Variants in RHOBTB3 observed in about 807,000 individuals in gnomAD.
The protein encoded by RHOBTB3 is rho-related BTB domain-containing protein 3.
A neutral mutation model predicts 67.2 loss-of-function variants in RHOBTB3; 47 were observed. The observed-to-expected ratio is 0.70, with a 90% CI of 0.55 to 0.89. The LOEUF is 0.89. RHOBTB3 is among the 40% of genes least tolerant of loss of function. The pLI is 0.00. For missense variants in RHOBTB3, 631 were observed against 750.0 expected, an observed-to-expected ratio of 0.84 and a Z score of 1.85; for synonymous variants, 273 against 274.2, an observed-to-expected ratio of 1.00 and a Z score of 0.04.
At chr5:95,730,444 A>G (rs1755188065), upstream of RHOBTB3, among the ~76,000 whole-genome samples, 1 of 152,216 alleles carries the variant, frequency 6.6e-6, no homozygotes, top group Non-Finnish European at 1.5e-5. Context: ...GTTCGTTTGT[A>G]TCGAGGTAGT....
chr5:95,767,640 A>T (rs1469952268), intron 7 of RHOBTB3: 1 of 548,062 alleles, frequency 1.8e-6, no homozygotes, highest in Non-Finnish European at 3.3e-6. Context: ...CAAAAAATGT[A>T]TTTTTCTTAA....
intron 4 of RHOBTB3, among the ~76,000 whole-genome samples, chr5:95,750,223 A>G (rs1466345405): frequency 2.0e-5 from 3 of 152,198 alleles, no homozygotes; most frequent in Non-Finnish European, 4.4e-5. Context: ...GCTGTGCAAT[A>G]CTACCCTTAG....
chr5:95,730,748 C>T (rs1167960072), upstream of RHOBTB3: 2 of 320,804 alleles, frequency 6.2e-6, no homozygotes, highest in Non-Finnish European at 1.3e-5. Flanking sequence ...AGTAAATAAT[C>T]CCCCCAAGGC....
At chr5:95,754,450 C>T (rs375257730) in intron 5 of RHOBTB3, among the ~76,000 whole-genome samples, 24 of 152,178 alleles carry the variant, frequency 1.6e-4, no homozygotes, top group Middle Eastern at 3.4e-3. Context: ...CAAAGGACTT[C>T]GTTATTATCT....
At chr5:95,772,026 G>T (rs1035763470) in intron 8 of RHOBTB3, among the ~76,000 whole-genome samples, 1 of 152,240 alleles carries the variant, frequency 6.6e-6, no homozygotes, top group East Asian at 1.9e-4. Flanking sequence ...GAATGATGCC[G>T]CTGGAGATGG....
rs1296416339 is a variant in RHOBTB3, at chr5:95,767,246, G to A, written c.1162-800G>A. On this transcript the variant is annotated intron_variant, in intron 7 of 11. Coordinates refer to ENST00000379982, the MANE Select transcript of RHOBTB3 (RefSeq NM_014899.4). The stretch of plus-strand genomic sequence containing the variant: ...GAGGTGAACCACTTCATTACTCTAC[G>A]TTATTTTTTTAACTGTTCACTCCTT... Among the ~76,000 whole-genome samples, 7 of 152,212 alleles carry A rather than the reference G, an allele frequency of 4.6e-5. No individual in the cohort carries two copies. In the East Asian group the frequency reaches 1.2e-3, roughly 25 times the overall value.
intron 10 of RHOBTB3, among the ~76,000 whole-genome samples, chr5:95,786,358 T>G (rs1746223852): frequency 6.6e-6 from 1 of 152,240 alleles, no homozygotes; most frequent in East Asian, 1.9e-4. Context: ...CTGCCAGTTT[T>G]GTACTGTGTG....
At chr5:95,760,586 A>G (rs968143232) in intron 6 of RHOBTB3, among the ~76,000 whole-genome samples, 12 of 152,338 alleles carry the variant, frequency 7.9e-5, no homozygotes, top group African/African-American at 2.9e-4. Flanking sequence ...TCTGTATTGC[A>G]TAAAAACACA....
chr5:95,777,568 T>C (rs1745925659), intron 8 of RHOBTB3, among the ~76,000 whole-genome samples: 2 of 152,230 alleles, frequency 1.3e-5, no homozygotes, highest in South Asian at 4.1e-4. Context: ...CCTTAAGTAA[T>C]TTCTTTACCT....
At chr5:95,763,677 A>G in intron 7 of RHOBTB3, 57 bp downstream of exon 7, 1 of 940,682 alleles carries the variant, frequency 1.1e-6, no homozygotes, top group African/African-American at 1.6e-5. Flanking sequence ...TAACTCACAT[A>G]CTATGATGAA....
At chr5:95,719,208 G>A (rs906382403) in intron 1 of RHOBTB3, among the ~76,000 whole-genome samples, 2 of 152,142 alleles carry the variant, frequency 1.3e-5, no homozygotes, top group African/African-American at 2.4e-5. Context: ...TGGTTGACTG[G>A]GAGGTTGCTA....
At chr5:95,727,957 T>C (rs1220460815), upstream of RHOBTB3, among the ~76,000 whole-genome samples, 2 of 152,202 alleles carry the variant, frequency 1.3e-5, no homozygotes, top group Non-Finnish European at 2.9e-5. Flanking sequence ...ACTGCAGTGC[T>C]AATAGCTTCA....
intron 3 of RHOBTB3, among the ~76,000 whole-genome samples, chr5:95,742,480 A>G (rs765230775): frequency 6.6e-6 from 1 of 152,184 alleles, no homozygotes; most frequent in Non-Finnish European, 1.5e-5. Context: ...AGATATCACC[A>G]TCCATCCATT....
At position 95,731,893 on chromosome 5, in the gene RHOBTB3, GAC is replaced by G. The variant is rs1449909625; in HGVS notation, c.41_42del (p.Thr14IlefsTer66). On this transcript the variant is annotated frameshift_variant, in exon 2 of 12. Coordinates refer to ENST00000379982, the MANE Select transcript of RHOBTB3 (RefSeq NM_014899.4). LOFTEE classifies it high-confidence loss of function. ...IHIVALGNEG[D>X]TFHQDNRPSG... is the part of the protein sequence containing the mutation. Reference sequence around the variant, plus strand: ...CATCGTGGCGCTGGGGAACGAGGGGGACACATTCCACCAGGACAACCGGCCGT... The same window carrying G: ...CATCGTGGCGCTGGGGAACGAGGGGGACATTCCACCAGGACAACCGGCCGT... 3 of 1,613,812 alleles carry G rather than the reference GAC, an allele frequency of 1.9e-6. No homozygotes were observed. The highest frequency in any genetic ancestry group is 2.5e-6 in the Non-Finnish European group (3 of 1,179,904).
At chr5:95,728,126 C>T (rs1755112953), upstream of RHOBTB3, among the ~76,000 whole-genome samples, 1 of 152,200 alleles carries the variant, frequency 6.6e-6, no homozygotes, top group Admixed American at 6.5e-5. Context: ...TGAGAAACGT[C>T]ATTTAGCTAT....
At chr5:95,730,930 G>A (rs1046782976), upstream of RHOBTB3, 1 of 461,336 alleles carries the variant, frequency 2.2e-6, no homozygotes, top group Non-Finnish European at 4.3e-6. Context: ...AAGAGGGGGG[G>A]AAATCGGGTT....
chr5:95,740,723 G>C (rs1245421382), intron 3 of RHOBTB3, among the ~76,000 whole-genome samples: 1 of 152,156 alleles, frequency 6.6e-6, no homozygotes, highest in Admixed American at 6.5e-5. Flanking sequence ...AGTTATCCTA[G>C]AATACAAGTC....
At position 95,725,495 on chromosome 5, in the gene RHOBTB3, C is replaced by T. The variant is rs80262545; in HGVS notation, n.134-6364C>T. ...GGCGTCATGTGTGCACACACACAAG[C>T]GCACGCCTTTGCGTGAGCCCTGAGA... On this transcript the variant is annotated intron_variant and non_coding_transcript_variant, in intron 1 of 5. Transcript: ENST00000504949. Among the ~76,000 whole-genome samples the T allele has an allele frequency of 2.6e-5, 4 of 152,366 alleles. No individual in the cohort carries two copies. In the South Asian group the frequency reaches 6.2e-4, roughly 24 times the overall value.
At chr5:95,721,647 T>A (rs1413452220) in intron 1 of RHOBTB3, among the ~76,000 whole-genome samples, 1 of 146,112 alleles carries the variant, frequency 6.8e-6, no homozygotes, top group African/African-American at 2.5e-5. Context: ...ATATTTTAAA[T>A]ATTTAAGGAG....
Sources: allele counts gnomAD v4.1 joint callset (sites outside exome capture counted in the v4.1 genomes callset), GRCh38; gene constraint gnomAD v4.1.1; transcripts MANE v1.5; gene names NCBI Gene and HGNC (gene_info 2026-07-23, HGNC 2026-07-21).